LRRTM4: variants seen among roughly 807,000 people sequenced by gnomAD.
LRRTM4 encodes leucine rich repeat transmembrane neuronal 4, also known as leucine-rich repeat transmembrane neuronal protein 4.
In LRRTM4, 25 loss-of-function variants were observed where a neutral mutation model predicts 47.6. The observed-to-expected ratio is 0.53, with a 90% CI of 0.38 to 0.73. The LOEUF (loss-of-function observed/expected upper bound fraction) is 0.73. LRRTM4 is among the 30% of genes least tolerant of loss of function. The pLI is 0.00. For missense variants in LRRTM4, 638 were observed against 713.4 expected, an observed-to-expected ratio of 0.89 and a Z score of 1.20; for synonymous variants, 311 against 269.5, an observed-to-expected ratio of 1.15 and a Z score of -1.51.
chr2:77,190,608 A>AT (rs1427365720), intron 3 of LRRTM4, among the ~76,000 whole-genome samples: 3 of 152,126 alleles, frequency 2.0e-5, no homozygotes, highest in Admixed American at 6.6e-5. Context: ...CCAACAGAGC[A>AT]TTTTCTTTTA....
At chr2:76,888,703 C>T (rs1224163536) in intron 3 of LRRTM4, among the ~76,000 whole-genome samples, 6 of 151,610 alleles carry the variant, frequency 4.0e-5, no homozygotes, top group Non-Finnish European at 5.9e-5. Flanking sequence ...CCACTGCTTT[C>T]GTTGCCTTTT....
At chr2:77,017,910 G>A (rs934381160) in intron 3 of LRRTM4, among the ~76,000 whole-genome samples, 1 of 137,536 alleles carries the variant, frequency 7.3e-6, no homozygotes, top group Non-Finnish European at 1.6e-5. Flanking sequence ...TTTAAAACAG[G>A]AAGTGTTAGC....
chr2:77,283,928 A>G (rs974380355), intron 3 of LRRTM4, among the ~76,000 whole-genome samples: 3 of 152,206 alleles, frequency 2.0e-5, no homozygotes, highest in African/African-American at 7.2e-5. Context: ...GCATTACTCA[A>G]TATGTCCATT....
chr2:76,873,439 G>C (rs922297113), intron 3 of LRRTM4, among the ~76,000 whole-genome samples: 1 of 144,266 alleles, frequency 6.9e-6, no homozygotes, highest in South Asian at 2.2e-4. Flanking sequence ...ACATTATATA[G>C]TCTGTGTGTA....
intron 3 of LRRTM4, among the ~76,000 whole-genome samples, chr2:77,240,685 C>T (rs1675235065): frequency 6.6e-6 from 1 of 151,942 alleles, no homozygotes; most frequent in East Asian, 1.9e-4. Flanking sequence ...AAAAATGCTA[C>T]CGCCACTATT....
At chr2:77,260,299 C>T (rs562579173) in intron 3 of LRRTM4, among the ~76,000 whole-genome samples, 36 of 151,782 alleles carry the variant, frequency 2.4e-4, no homozygotes, top group Non-Finnish European at 4.1e-4. Context: ...AGGGCAGTCT[C>T]CAGGAGCTTC....
chr2:77,044,271 T>G (rs1679154684), intron 3 of LRRTM4, among the ~76,000 whole-genome samples: 1 of 151,706 alleles, frequency 6.6e-6, no homozygotes. Context: ...AATATTATTT[T>G]AATAAAATTA....
intron 3 of LRRTM4, among the ~76,000 whole-genome samples, chr2:77,016,347 C>A (rs1678067137): frequency 6.7e-6 from 1 of 148,842 alleles, no homozygotes; most frequent in African/African-American, 2.5e-5. Flanking sequence ...GATCGCGCCA[C>A]TGTGTCCAGC....
chr2:77,478,430 T>C (rs930421116), intron 3 of LRRTM4, among the ~76,000 whole-genome samples: 1 of 152,216 alleles, frequency 6.6e-6, no homozygotes, highest in Non-Finnish European at 1.5e-5. Context: ...ACAATCCTCA[T>C]AGACTACCTA....
chr2:77,300,504 T>C (rs1445935449), intron 3 of LRRTM4, among the ~76,000 whole-genome samples: 1 of 152,116 alleles, frequency 6.6e-6, no homozygotes, highest in African/African-American at 2.4e-5. Context: ...ATTCTTTATT[T>C]GTAATATAGA....
intron 3 of LRRTM4, among the ~76,000 whole-genome samples, chr2:76,766,710 C>A (rs183355027): frequency 5.9e-5 from 9 of 152,296 alleles, no homozygotes. Flanking sequence ...TCTGCTACAG[C>A]AGTAGTTGTC....
Position 76,921,835 on chromosome 2 carries a change from T to A in LRRTM4, c.1552-172919A>T, listed in dbSNP as rs371649111. 2.0e-4 allele frequency among the ~76,000 whole-genome samples: 31 copies of A among 152,220 alleles called. 1 individual carries two copies. The South Asian group carries it at 5.2e-3, about 25-fold the overall frequency. ...CCTGCACAAGCATTAGAATCAGCCA[T>A]TTTTTATGGAGCCCTGAGTCCTTTT... On this transcript the variant is annotated intron_variant, in intron 3 of 3. Coordinates refer to ENST00000409884, the MANE Select transcript of LRRTM4 (RefSeq NM_001134745.3).
intron 3 of LRRTM4, among the ~76,000 whole-genome samples, chr2:77,121,275 C>A (rs1195357308): frequency 2.6e-5 from 4 of 151,640 alleles, no homozygotes; most frequent in Non-Finnish European, 4.4e-5. Flanking sequence ...TGATTTTTAT[C>A]CTCAGCTTTT....
intron 3 of LRRTM4, among the ~76,000 whole-genome samples, chr2:76,908,983 G>GA (rs945694172): frequency 6.6e-6 from 1 of 152,102 alleles, no homozygotes; most frequent in Admixed American, 6.5e-5. Context: ...CACAGAATTG[G>GA]AAAAAACTAC....
chr2:77,420,786 T>C lies in LRRTM4; in HGVS notation c.1551+97532A>G, dbSNP rs1410468551. 2.0e-5 allele frequency among the ~76,000 whole-genome samples: 3 copies of C among 146,402 alleles called. 1 individual carries two copies. The highest frequency in any genetic ancestry group is 7.1e-3 in the Middle Eastern group (2 of 280). ...TCAGTGGACAAAATGGGAATGTATATATATATATAATACATATATAATATA... is the reference window on the plus strand; with the variant it reads ...TCAGTGGACAAAATGGGAATGTATACATATATATAATACATATATAATATA... On this transcript the variant is annotated intron_variant, in intron 3 of 3. Coordinates refer to ENST00000409884, the MANE Select transcript of LRRTM4 (RefSeq NM_001134745.3).
chr2:77,348,457 A>G (rs1207381008), intron 3 of LRRTM4, among the ~76,000 whole-genome samples: 1 of 150,786 alleles, frequency 6.6e-6, no homozygotes, highest in Non-Finnish European at 1.5e-5. Flanking sequence ...TTAATATTAT[A>G]AAATAAAATT....
chr2:77,465,334 C>T (rs1341509950), intron 3 of LRRTM4, among the ~76,000 whole-genome samples: 1 of 152,122 alleles, frequency 6.6e-6, no homozygotes, highest in Non-Finnish European at 1.5e-5. Flanking sequence ...ACAAAACGAA[C>T]ATAATATGTA....
intron 3 of LRRTM4, among the ~76,000 whole-genome samples, chr2:76,953,009 T>C (rs77239849): frequency 0.024 from 3,694 of 151,784 alleles, 131 homozygotes; most frequent in East Asian, 0.14. Context: ...ATGGGAGCAA[T>C]AGACATTAGA....
intron 3 of LRRTM4, among the ~76,000 whole-genome samples, chr2:76,998,053 TATTTC>T (rs1198366280): frequency 6.6e-6 from 1 of 152,022 alleles, no homozygotes. Flanking sequence ...GTTGTATAAT[TATTTC>T]ATTATATATT....
Sources: gnomAD v4.1 joint callset for allele counts (sites outside exome capture counted in the v4.1 genomes callset) on GRCh38, gnomAD v4.1.1 for gene constraint, MANE v1.5 for transcripts, NCBI Gene and HGNC (gene_info 2026-07-23, HGNC 2026-07-21) for gene names.